MEGF6: variants seen among roughly 807,000 people sequenced by gnomAD.
The protein encoded by MEGF6 is multiple epidermal growth factor-like domains protein 6.
MEGF6 carries 184 observed loss-of-function variants against 207.1 expected under a neutral mutation model. The observed-to-expected ratio is 0.89, with a 90% CI of 0.79 to 1.00. The LOEUF (loss-of-function observed/expected upper bound fraction) is 1.00, where lower values mean the gene tolerates loss of function less well. Among genes scored for constraint, MEGF6 ranks in the 50% least tolerant of loss-of-function variants. The pLI, the probability that MEGF6 is intolerant of heterozygous loss-of-function variation, is 0.00. For missense variants in MEGF6, 2,282 were observed against 2,202.9 expected, an observed-to-expected ratio of 1.04 and a Z score of -0.72; for synonymous variants, 1,038 against 910.0, an observed-to-expected ratio of 1.14 and a Z score of -2.53.
intron 4 of MEGF6, among the ~76,000 whole-genome samples, chr1:3,543,915 G>A (rs373989367): frequency 5.9e-5 from 9 of 152,314 alleles, no homozygotes; most frequent in East Asian, 1.9e-4. Context: ...CCCAGCCCGC[G>A]TCAGCCCTGG....
chr1:3,611,413 G>T lies in MEGF6; in HGVS notation c.-145C>A. ...AGCCCAAGGTCGCTGCAGGTGCGGA[G>T]CGTCCCGGCTTCCCGCCCGCGCCCA... On this transcript the variant is annotated 5_prime_UTR_variant, in exon 1 of 37. Transcript: ENST00000356575. The T allele has an allele frequency of 8.5e-7, 1 of 1,176,008 alleles. No individual in the cohort carries two copies. The highest frequency in any genetic ancestry group is 1.1e-6 in the Non-Finnish European group (1 of 909,802). The allele number at this position is 1,176,008 out of a possible 1,614,324, so 72.8% of individuals were successfully genotyped here. A position where few individuals can be genotyped will look rare whatever the true frequency, so the allele number is the denominator to read the frequency against.
chr1:3,614,235 T>C (rs920244917), upstream of MEGF6, among the ~76,000 whole-genome samples: 1 of 152,092 alleles, frequency 6.6e-6, no homozygotes, highest in Non-Finnish European at 1.5e-5. Flanking sequence ...TCTCACCCCC[T>C]CCACCCTAAG....
chr1:3,532,046 C>T (rs1642194448), intron 4 of MEGF6, among the ~76,000 whole-genome samples: 1 of 152,214 alleles, frequency 6.6e-6, no homozygotes, highest in African/African-American at 2.4e-5. Context: ...AGCTGGCATC[C>T]CTGCAGCAGG....
chr1:3,605,080 TCACA>T (rs920057420), intron 1 of MEGF6, among the ~76,000 whole-genome samples: 9 of 150,754 alleles, frequency 6.0e-5, no homozygotes, highest in Admixed American at 4.0e-4. Context: ...ACACTCTCAG[TCACA>T]CACAAACTCA....
At chr1:3,539,004 A>T (rs1198904232) in intron 4 of MEGF6, among the ~76,000 whole-genome samples, 9 of 152,112 alleles carry the variant, frequency 5.9e-5, no homozygotes, top group Non-Finnish European at 5.9e-5. Flanking sequence ...TTCCTGGAGG[A>T]GGTGGCACTC....
At chr1:3,513,213 A>G (rs1195755894) in intron 7 of MEGF6, among the ~76,000 whole-genome samples, 2 of 151,732 alleles carry the variant, frequency 1.3e-5, no homozygotes, top group East Asian at 3.9e-4. Context: ...TTGTTTATTT[A>G]TTTATTTATT....
At chr1:3,499,108 C>A in intron 24 of MEGF6, 30 bp downstream of exon 24, 2 of 1,596,408 alleles carry the variant, frequency 1.3e-6, no homozygotes, top group East Asian at 2.3e-5. Flanking sequence ...GGCCTGGACC[C>A]CGGTCCCTGG....
intron 4 of MEGF6, among the ~76,000 whole-genome samples, chr1:3,559,408 G>C (rs964928272): frequency 2.6e-5 from 4 of 151,620 alleles, no homozygotes; most frequent in African/African-American, 4.8e-5. Context: ...TATAATCCCA[G>C]TGCTTTGGGA....
intron 4 of MEGF6, among the ~76,000 whole-genome samples, chr1:3,528,033 G>C (rs1642024428): frequency 6.6e-6 from 1 of 152,230 alleles, no homozygotes; most frequent in Non-Finnish European, 1.5e-5. Flanking sequence ...CCTGGGTGGG[G>C]GTGCTGAAGC....
At chr1:3,554,161 C>T (rs932762622) in intron 4 of MEGF6, among the ~76,000 whole-genome samples, 1 of 152,194 alleles carries the variant, frequency 6.6e-6, no homozygotes, top group Admixed American at 6.5e-5. Context: ...CGGCAGCCAC[C>T]GTGACCCCCT....
chr1:3,587,906 CCAGGAGGGGG>C (rs1643915227), intron 3 of MEGF6, among the ~76,000 whole-genome samples: 1 of 1,858 alleles, frequency 5.4e-4, no homozygotes, highest in Non-Finnish European at 2.4e-3. Flanking sequence ...GCAGGAGTGG[CCAGGAGGGGG>C]CAGGAGAGGC....
At chr1:3,567,162 T>C (rs1234404620) in intron 4 of MEGF6, among the ~76,000 whole-genome samples, 1 of 152,194 alleles carries the variant, frequency 6.6e-6, no homozygotes, top group African/African-American at 2.4e-5. Flanking sequence ...GCCAGAGTGC[T>C]AGAGGCAAAG....
At chr1:3,508,534 C>T in intron 13 of MEGF6, 24 bp downstream of exon 13, 1 of 1,606,762 alleles carries the variant, frequency 6.2e-7, no homozygotes, top group Middle Eastern at 1.7e-4. Flanking sequence ...TTCCCAGCCC[C>T]CAGCCCCTGC....
chr1:3,608,341 C>CG (rs1244767706), intron 1 of MEGF6, among the ~76,000 whole-genome samples: 2 of 152,140 alleles, frequency 1.3e-5, no homozygotes, highest in Non-Finnish European at 2.9e-5. Context: ...CTCCAGGTCA[C>CG]GTGCTGTGAA....
the MEGF6 span, among the ~76,000 whole-genome samples, chr1:3,619,124 T>C: frequency 2.7e-4 from 41 of 152,260 alleles, no homozygotes; most frequent in Non-Finnish European, 5.3e-4. Context: ...ATGTAGGGCC[T>C]GAATACACAC....
intron 1 of MEGF6, among the ~76,000 whole-genome samples, chr1:3,610,726 C>T (rs984331099): frequency 6.6e-6 from 1 of 152,266 alleles, no homozygotes; most frequent in African/African-American, 2.4e-5. Flanking sequence ...CTCGCCCCTG[C>T]GAAGGCCCCC....
At position 3,594,379 on chromosome 1, in the gene MEGF6, T is replaced by C. The variant is rs1339597232; in HGVS notation, c.376+959A>G. On this transcript the variant is annotated intron_variant, in intron 3 of 36. Coordinates refer to ENST00000356575, the MANE Select transcript of MEGF6 (RefSeq NM_001409.4). This position sits in a 1 kb window ranked among gnomAD's most constrained non-coding sequence, Gnocchi z 4.2. ...AGGAATTTGAGGCTGCAGTGAGCTA[T>C]GGTGGTGCCACTGCACTCCAGCCTG... 6.6e-6 allele frequency among the ~76,000 whole-genome samples: 1 copy of C among 152,162 alleles called. No homozygotes were observed. The highest frequency in any genetic ancestry group is 1.5e-5 in the Non-Finnish European group (1 of 68,030).
In MEGF6 at chr1:3,565,296, C is replaced by T. The variant is rs1570148626; in HGVS notation, c.481+14529G>A. On this transcript the variant is annotated intron_variant, in intron 4 of 36. Transcript: ENST00000356575. The surrounding 1 kb of genome is among the most constrained non-coding windows in gnomAD (Gnocchi z 4.8). ...GCATCAGCAGTGGGTGAGAAACACA[C>T]GTGCAGAGCCCATCCCCAGACCCCA... is the stretch of plus-strand genomic sequence containing the variant. Among the ~76,000 whole-genome samples, 1 of 150,302 alleles carries T rather than the reference C, an allele frequency of 6.7e-6. No homozygotes were observed. The highest frequency in any genetic ancestry group is 1.5e-5 in the Non-Finnish European group (1 of 67,940).
chr1:3,524,150 A>T lies in MEGF6; in HGVS notation c.578T>A (p.Leu193His), dbSNP rs1418562849. Residue 193 changes from leucine (L) to histidine (H), a missense_variant, in exon 5 of 37, where the codon CTC becomes CAC. By Grantham distance (99) the Leu-to-His change is moderately conservative (BLOSUM62 -3). Coordinates refer to ENST00000356575, the MANE Select transcript of MEGF6 (RefSeq NM_001409.4). ...CAGGCAGGTCCTGCTGTCAGTGTGG[A>T]GCCGGAAGCCGGGCTTGCACTCACA... is the stretch of plus-strand genomic sequence containing the variant. ...YLCECKPGFR[L>H]HTDSRTCLAI... 3 of 1,612,550 alleles carry T rather than the reference A, an allele frequency of 1.9e-6. No homozygotes were observed. The highest frequency in any genetic ancestry group is 1.7e-6 in the Non-Finnish European group (2 of 1,179,830).
Sources: allele counts gnomAD v4.1 joint callset (sites outside exome capture counted in the v4.1 genomes callset), GRCh38; gene constraint gnomAD v4.1.1; non-coding constraint Gnocchi (gnomAD v3.1); transcripts MANE v1.5; gene names NCBI Gene and HGNC (gene_info 2026-07-23, HGNC 2026-07-21).